The following KIFC1 variants were observed in gnomAD, a reference collection of about 807,000 sequenced individuals.
The protein encoded by KIFC1 is kinesin family member C1, also known as kinesin-like protein KIFC1.
A neutral mutation model predicts 66.6 loss-of-function variants in KIFC1; 37 were observed. The ratio of observed to expected loss-of-function variants is 0.56; its 90% CI spans 0.43 to 0.73. The LOEUF is 0.73. Among genes scored for constraint, KIFC1 ranks in the 30% least tolerant of loss-of-function variants. The pLI, the probability that KIFC1 is intolerant of heterozygous loss-of-function variation, is 0.00. For synonymous variants in KIFC1, 325 were observed against 343.5 expected (o/e 0.95, Z 0.60); for missense variants, 721 against 859.8 (o/e 0.84, Z 2.02).
intron 3 of KIFC1, chr6:33,399,992 CTTTT>C: frequency 1.7e-6 from 1 of 593,260 alleles, no homozygotes; most frequent in Non-Finnish European, 3.0e-6. Context: ...ACATTTTAAT[CTTTT>C]TTTAACTTTT....
Position 33,405,583 on chromosome 6 carries a change from GCTCA to G in KIFC1, c.1491_1494del (p.Thr498SerfsTer78). 6.4e-7 allele frequency: 1 copy of G among 1,558,912 alleles called. No homozygotes were observed. The highest frequency in any genetic ancestry group is 8.7e-7 in the Non-Finnish European group (1 of 1,155,786). The stretch of plus-strand genomic sequence containing the variant: ...GCCGTGCAGGGCCAGGGAGTGAGGA[GCTCA>G]CTGTCACCAATGCTCGATATGTCCC... On this transcript the variant is annotated frameshift_variant, in exon 7 of 11. Coordinates refer to ENST00000428849, the MANE Select transcript of KIFC1 (RefSeq NM_002263.4). LOFTEE classifies it high-confidence loss of function. This position sits in a 1 kb window ranked among gnomAD's most constrained non-coding sequence, Gnocchi z 5.4.
At chr6:33,399,147 G>A (rs1775247679) in intron 3 of KIFC1, among the ~76,000 whole-genome samples, 1 of 152,144 alleles carries the variant, frequency 6.6e-6, no homozygotes, top group Admixed American at 6.5e-5. Context: ...CAGCACTTTG[G>A]GGGGCCAAGG....
chr6:33,400,559 T>A lies in KIFC1; in HGVS notation c.250+2172T>A. The A allele has an allele frequency of 3.7e-6, 5 of 1,361,636 alleles. No individual in the cohort carries two copies. The highest frequency in any genetic ancestry group is 5.2e-6 in the Non-Finnish European group (5 of 964,012). 84.3% of individuals were successfully genotyped at this position (1,361,636 alleles called of 1,614,324 possible). Reference sequence around the variant, plus strand: ...TTGGGGTCGAACTTCGGTGGCATGGTGGAGGCAGCTGGTGTCGGATGAACC... The same window carrying A: ...TTGGGGTCGAACTTCGGTGGCATGGAGGAGGCAGCTGGTGTCGGATGAACC... On this transcript the variant is annotated intron_variant, in intron 3 of 10. Coordinates refer to ENST00000428849, the MANE Select transcript of KIFC1 (RefSeq NM_002263.4). This position sits in a 1 kb window ranked among gnomAD's most constrained non-coding sequence, Gnocchi z 4.3.
intron 3 of KIFC1, 62 bp downstream of exon 3, chr6:33,398,449 G>C: frequency 8.3e-7 from 1 of 1,198,184 alleles, no homozygotes; most frequent in Admixed American, 1.9e-5. Context: ...CAACTCACTT[G>C]TTTCTTTTCT....
rs191186825 is a variant in KIFC1 at position 33,399,565 on chromosome 6, C to T, written c.250+1178C>T. ...GCCTGCTACACACCTAGGCTATCTG[C>T]GATAGCCTATTGTTCTTGGGCAACA... On this transcript the variant is annotated intron_variant, in intron 3 of 10. Transcript: ENST00000428849. 1.7e-3 allele frequency among the ~76,000 whole-genome samples: 265 copies of T among 152,242 alleles called. 1 individual carries two copies. Among genetic ancestry groups the T allele is most frequent in the Non-Finnish European group, 2.9e-3 (199 of 68,014 alleles).
At position 33,404,807 on chromosome 6, in the gene KIFC1, G is replaced by T; in HGVS notation, c.757-45G>T. On this transcript the variant is annotated intron_variant, in intron 6 of 10. Transcript: ENST00000428849. This position sits in a 1 kb window ranked among gnomAD's most constrained non-coding sequence, Gnocchi z 4.0. ...CGCCCCACAGTTTGTTCTTCTTCTT[G>T]GTTGCATCTTACCCTCTGTGTATGT... 3 of 1,529,906 alleles carry T rather than the reference G, an allele frequency of 2.0e-6. No individual in the cohort carries two copies. Among genetic ancestry groups the T allele is most frequent in the Non-Finnish European group, 2.6e-6 (3 of 1,132,926 alleles). The allele number at this position is 1,529,906 out of a possible 1,614,324, so 94.8% of individuals were successfully genotyped here.
At chr6:33,399,416 AT>A (rs1372271812) in intron 3 of KIFC1, among the ~76,000 whole-genome samples, 1 of 152,196 alleles carries the variant, frequency 6.6e-6, no homozygotes, top group African/African-American at 2.4e-5. Flanking sequence ...AAAATAAAAA[AT>A]AAAACCAAAA....
At position 33,398,491 on chromosome 6, in the gene KIFC1, G is replaced by A. The variant is rs1775209889; in HGVS notation, c.250+104G>A. On this transcript the variant is annotated intron_variant, in intron 3 of 10. Transcript: ENST00000428849. ...TTTATTTTATTTTTTTTGAGACAGA[G>A]TCTCGCTCTATCGCCCAGGCTGGAG... The A allele has an allele frequency of 7.5e-6, 7 of 930,780 alleles. No homozygotes were observed. In the Admixed American group the frequency reaches 1.5e-4, roughly 21 times the overall value. The allele number at this position is 930,780 out of a possible 1,614,324, so 57.7% of individuals were successfully genotyped here. A position where few individuals can be genotyped will look rare whatever the true frequency, so the allele number is the denominator to read the frequency against.
intron 10 of KIFC1, among the ~76,000 whole-genome samples, chr6:33,408,901 G>A (rs528618368): frequency 2.0e-5 from 3 of 152,246 alleles, no homozygotes; most frequent in African/African-American, 7.2e-5. Flanking sequence ...GGCCGGGCGC[G>A]GTGGCTCATG....
In KIFC1 at chr6:33,406,891, G is replaced by A. The variant is rs745603648; in HGVS notation, c.1977+16G>A. On this transcript the variant is annotated intron_variant, in intron 10 of 10. Coordinates refer to ENST00000428849, the MANE Select transcript of KIFC1 (RefSeq NM_002263.4). The surrounding 1 kb of genome is among the most constrained non-coding windows in gnomAD (Gnocchi z 4.5). ...TGCCTCCAAGGTGCGATTACCACCC[G>A]TCAGCCTTGTCAGGACCCGTGGGTG... The A allele has an allele frequency of 2.0e-5, 33 of 1,613,848 alleles. No homozygotes were observed. The highest frequency in any genetic ancestry group is 5.5e-5 in the South Asian group (5 of 91,056).
intron 10 of KIFC1, among the ~76,000 whole-genome samples, chr6:33,407,939 G>C (rs1775733865): frequency 6.6e-6 from 1 of 152,184 alleles, no homozygotes; most frequent in South Asian, 2.1e-4. Context: ...CTGTGCGCTT[G>C]GGCCTCCTCC....
intron 1 of KIFC1, 127 bp downstream of exon 1, chr6:33,392,124 G>A: frequency 1.9e-6 from 2 of 1,074,004 alleles, no homozygotes; most frequent in Non-Finnish European, 1.3e-6. Flanking sequence ...AGGTCCGTGC[G>A]CCCCCGCACA....
intron 1 of KIFC1, among the ~76,000 whole-genome samples, chr6:33,394,134 T>C (rs769078641): frequency 6.6e-6 from 1 of 152,100 alleles, no homozygotes; most frequent in Non-Finnish European, 1.5e-5. Flanking sequence ...TCTGACAGTG[T>C]ACAGGACTGC....
At chr6:33,402,063 TAG>T (rs1775401215) in intron 3 of KIFC1, among the ~76,000 whole-genome samples, 2 of 152,198 alleles carry the variant, frequency 1.3e-5, no homozygotes, top group East Asian at 3.9e-4. Flanking sequence ...TTTTTGCAAA[TAG>T]AAGGAGTATA....
chr6:33,406,803 C>A lies in KIFC1; in HGVS notation c.1905C>A (p.Leu635=). 1.2e-6 allele frequency: 2 copies of A among 1,614,116 alleles called. No homozygotes were observed. The highest frequency in any genetic ancestry group is 1.7e-6 in the Non-Finnish European group (2 of 1,180,026). Residue 635 remains leucine, a synonymous_variant, in exon 10 of 11, where the codon CTC becomes CTA. Coordinates refer to ENST00000428849, the MANE Select transcript of KIFC1 (RefSeq NM_002263.4). This position sits in a 1 kb window ranked among gnomAD's most constrained non-coding sequence, Gnocchi z 4.5. ...TGGGCACATTGTCTTTTCATAGGCT[C>A]ATGTTTGTGAACATTTCTCCACTGG... ...QNSLGGSAKM[L]MFVNISPLEE... is the part of the protein sequence containing the mutation.
At position 33,403,925 on chromosome 6, in the gene KIFC1, G is replaced by C; in HGVS notation, c.552G>C (p.Glu184Asp). ...AGCAGGTCAAGGCCCTGGGGACAGAGCGCACAACACTGGAGGGGCATTTAG... is the reference window on the plus strand; with the variant it reads ...AGCAGGTCAAGGCCCTGGGGACAGACCGCACAACACTGGAGGGGCATTTAG... ...AQQQVKALGT[E>D]RTTLEGHLAK... is the part of the protein sequence containing the mutation. Residue 184 changes from glutamate to aspartate, a missense_variant, in exon 6 of 11, where the codon GAG becomes GAC. Transcript: ENST00000428849. The surrounding 1 kb of genome is among the most constrained non-coding windows in gnomAD (Gnocchi z 4.6). 1 of 1,614,238 alleles carries C rather than the reference G, an allele frequency of 6.2e-7. No homozygotes were observed. Among genetic ancestry groups the C allele is most frequent in the East Asian group, 2.2e-5 (1 of 44,892 alleles).
In KIFC1 at chr6:33,405,054, T is replaced by C. The variant is rs149106445; in HGVS notation, c.959T>C (p.Val320Ala). ...CGTGTATTCTGCCGGGTCCGCCCTG[T>C]CCTGCCGGGGGAGCCCACTCCACCC... ...NIRVFCRVRP[V>A]LPGEPTPPPG... is the part of the protein sequence containing the mutation. Residue 320 changes from valine (V) to alanine (A), a missense_variant, in exon 7 of 11, where the codon GTC (valine) becomes GCC (alanine). Physicochemically the swap from Val to Ala is moderately conservative, Grantham distance 64. Transcript: ENST00000428849. This position sits in a 1 kb window ranked among gnomAD's most constrained non-coding sequence, Gnocchi z 5.4. 5.8e-4 allele frequency: 939 copies of C among 1,614,130 alleles called. 7 individuals carry two copies. Among genetic ancestry groups the C allele is most frequent in the Middle Eastern group, 4.9e-3 (30 of 6,062 alleles).
rs569084461 is a variant in KIFC1 at position 33,395,679 on chromosome 6, G to A, written c.13-2350G>A. ...AACCTTTAAACACATTTTCTGAACC[G>A]GCATAAATTCCAAGGAGGTAGGTCT... is the stretch of plus-strand genomic sequence containing the variant. On this transcript the variant is annotated intron_variant, in intron 1 of 10. Transcript: ENST00000428849. 6.6e-5 allele frequency among the ~76,000 whole-genome samples: 10 copies of A among 152,260 alleles called. No individual in the cohort carries two copies. The South Asian group carries it at 8.3e-4, about 13-fold the overall frequency.
chr6:33,392,144 G>A, intron 1 of KIFC1, 147 bp downstream of exon 1: 2 of 927,722 alleles, frequency 2.2e-6, no homozygotes, highest in Non-Finnish European at 1.6e-6. Context: ...AAGTGGAAAG[G>A]GGCGGAGGCA....
Sources: gnomAD v4.1 joint callset for allele counts (sites outside exome capture counted in the v4.1 genomes callset) on GRCh38, gnomAD v4.1.1 for gene constraint, Gnocchi (gnomAD v3.1) non-coding constraint, MANE v1.5 for transcripts, NCBI Gene and HGNC (gene_info 2026-07-23, HGNC 2026-07-21) for gene names.